FHIP2A: variants seen among roughly 807,000 people sequenced by gnomAD.
FHIP2A encodes FHF complex subunit HOOK interacting protein 2A, also known as family with sequence similarity 160 member B1.
A neutral mutation model predicts 93.5 loss-of-function variants in FHIP2A; 46 were observed. The ratio of observed to expected loss-of-function variants is 0.49; its 90% CI spans 0.39 to 0.63. The LOEUF (loss-of-function observed/expected upper bound fraction) is 0.63. Among genes scored for constraint, FHIP2A ranks in the 20% least tolerant of loss-of-function variants. FHIP2A has a pLI of 0.00. For synonymous variants in FHIP2A, 332 were observed against 326.5 expected (o/e 1.02, Z -0.18); for missense variants, 769 against 909.7 (o/e 0.85, Z 1.99).
intron 1 of FHIP2A, among the ~76,000 whole-genome samples, chr10:114,824,677 C>T (rs913707603): frequency 2.6e-5 from 4 of 152,120 alleles, no homozygotes; most frequent in African/African-American, 7.2e-5. Flanking sequence ...ATAGTTTTTT[C>T]GTAGCCCAAG....
intron 16 of FHIP2A, among the ~76,000 whole-genome samples, chr10:114,891,812 C>T (rs921346478): frequency 6.6e-6 from 1 of 151,992 alleles, no homozygotes; most frequent in African/African-American, 2.4e-5. Flanking sequence ...GATGCGGTTT[C>T]TCCATGTTGT....
chr10:114,882,582 G>A (rs2083922505), intron 16 of FHIP2A, among the ~76,000 whole-genome samples: 1 of 152,080 alleles, frequency 6.6e-6, no homozygotes, highest in Admixed American at 6.6e-5. Context: ...TCGCAATGTG[G>A]GATATGATGA....
chr10:114,846,804 C>T, intron 11 of FHIP2A, 76 bp downstream of exon 11: 1 of 1,313,684 alleles, frequency 7.6e-7, no homozygotes, highest in Non-Finnish European at 1.0e-6. Context: ...TATCTACCTC[C>T]CTTATCCTCA....
intron 16 of FHIP2A, among the ~76,000 whole-genome samples, chr10:114,876,004 GAGAA>G (rs553342860): frequency 3.0e-4 from 44 of 148,508 alleles, no homozygotes; most frequent in South Asian, 2.1e-3. Flanking sequence ...GAAAAAGAAA[GAGAA>G]AGAAAGAAAA....
At chr10:114,869,446 T>C (rs1192474220), downstream of FHIP2A, among the ~76,000 whole-genome samples, 5 of 152,246 alleles carry the variant, frequency 3.3e-5, no homozygotes, top group Admixed American at 3.3e-4. Context: ...TGTCCTGTGA[T>C]CTTTATTTCC....
At chr10:114,823,581 G>A (rs1194452231) in intron 1 of FHIP2A, among the ~76,000 whole-genome samples, 4 of 151,642 alleles carry the variant, frequency 2.6e-5, no homozygotes, top group South Asian at 4.2e-4. Flanking sequence ...TGCAACCTCC[G>A]CCTCCCGGAT....
chr10:114,838,997 T>G lies in FHIP2A; in HGVS notation c.522+2751T>G, dbSNP rs114936149. Among the ~76,000 whole-genome samples, 1,147 of 152,350 alleles carry G rather than the reference T, an allele frequency of 7.5e-3. 24 individuals are homozygous for G. The highest frequency in any genetic ancestry group is 0.026 in the African/African-American group (1,093 of 41,578). On this transcript the variant is annotated intron_variant, in intron 5 of 16. Coordinates refer to ENST00000369248, the MANE Select transcript of FHIP2A (RefSeq NM_020940.4). ...TTATTTTCTCCTGCTAGTCAGTATG[T>G]TCCTTGAGGACAAGGATTCTGTCTC...
At chr10:114,835,778 T>G (rs573191870) in intron 4 of FHIP2A, 137 bp downstream of exon 4, 4 of 572,576 alleles carry the variant, frequency 7.0e-6, no homozygotes, top group East Asian at 2.8e-5. Flanking sequence ...ACTTGAGCTT[T>G]CTTTATGCAT....
chr10:114,871,747 T>G (rs1406098146), intron 16 of FHIP2A, among the ~76,000 whole-genome samples: 1 of 152,156 alleles, frequency 6.6e-6, no homozygotes, highest in Non-Finnish European at 1.5e-5. Context: ...ATATATTTCT[T>G]AGTACCTCAG....
At chr10:114,869,263 T>C (rs945455187), downstream of FHIP2A, among the ~76,000 whole-genome samples, 1 of 152,204 alleles carries the variant, frequency 6.6e-6, no homozygotes, top group African/African-American at 2.4e-5. Context: ...AAGAGAGCCA[T>C]GTACTGGAGA....
At chr10:114,875,947 CAG>C (rs776946737) in intron 16 of FHIP2A, among the ~76,000 whole-genome samples, 1 of 122,462 alleles carries the variant, frequency 8.2e-6, no homozygotes, top group African/African-American at 3.0e-5. Context: ...AGAAAAAGAA[CAG>C]AAAGAAAGGA....
intron 10 of FHIP2A, 35 bp from the exon 11 acceptor site, chr10:114,846,524 A>G: frequency 1.3e-6 from 2 of 1,543,088 alleles, no homozygotes; most frequent in South Asian, 2.5e-5. Flanking sequence ...ATGTAAAGAC[A>G]TTTTTCAGTT....
intron 16 of FHIP2A, among the ~76,000 whole-genome samples, chr10:114,898,427 A>T (rs1448689474): frequency 6.6e-6 from 1 of 152,180 alleles, no homozygotes. Context: ...TTCCCTGCTC[A>T]CCAGCCTCAG....
At chr10:114,844,339 C>T (rs1006584905) in intron 7 of FHIP2A, among the ~76,000 whole-genome samples, 4 of 152,208 alleles carry the variant, frequency 2.6e-5, no homozygotes, top group African/African-American at 9.6e-5. Context: ...TTCACCTCTT[C>T]TTCCTACCTT....
At chr10:114,822,430 G>T (rs555553085) in intron 1 of FHIP2A, among the ~76,000 whole-genome samples, 317 of 152,186 alleles carry the variant, frequency 2.1e-3, no homozygotes, top group Non-Finnish European at 3.6e-3. Context: ...CTCGGTGGTC[G>T]CCTCATTCCT....
intron 16 of FHIP2A, among the ~76,000 whole-genome samples, chr10:114,895,785 C>T (rs1370750598): frequency 2.6e-5 from 4 of 152,026 alleles, no homozygotes; most frequent in African/African-American, 9.7e-5. Context: ...CCTAAACGAG[C>T]AAAAAAGATT....
In FHIP2A at chr10:114,842,952, C is replaced by A; in HGVS notation, c.542C>A (p.Ala181Asp). The change falls in exon 6 of 17, where the codon GCT becomes GAT. Residue 181 changes from alanine to aspartate, a missense_variant. Transcript: ENST00000369248. ...TTTCAGAATAAGATGAAATCATTGG[C>A]TTCCAAAGGAGTACCAAATGTAATT... Reference protein sequence around the residue: ...FFLENKMKSLASKGVPNVISE... With the variant: ...FFLENKMKSLDSKGVPNVISE... 1 of 1,602,044 alleles carries A rather than the reference C, an allele frequency of 6.2e-7. No individual in the cohort carries two copies.
At chr10:114,873,118 C>T (rs1232711234) in intron 16 of FHIP2A, among the ~76,000 whole-genome samples, 1 of 152,238 alleles carries the variant, frequency 6.6e-6, no homozygotes, top group African/African-American at 2.4e-5. Context: ...ATGGGCCCTG[C>T]AGGGCTGGTG....
At chr10:114,884,203 T>C (rs1466441283) in intron 16 of FHIP2A, among the ~76,000 whole-genome samples, 1 of 152,060 alleles carries the variant, frequency 6.6e-6, no homozygotes, top group East Asian at 1.9e-4. Flanking sequence ...ATGAGGGAGA[T>C]GGGATGTGTA....
Sources: gnomAD v4.1 joint callset for allele counts (sites outside exome capture counted in the v4.1 genomes callset) on GRCh38, gnomAD v4.1.1 for gene constraint, MANE v1.5 for transcripts, NCBI Gene and HGNC (gene_info 2026-07-23, HGNC 2026-07-21) for gene names.